HSPA12A: variants seen among roughly 807,000 people sequenced by gnomAD.
HSPA12A encodes heat shock protein family A (Hsp70) member 12A, also known as heat shock 70 kDa protein 12A.
A neutral mutation model predicts 69.2 loss-of-function variants in HSPA12A; 28 were observed. The ratio of observed to expected loss-of-function variants is 0.40; its 90% CI spans 0.30 to 0.55. The LOEUF (loss-of-function observed/expected upper bound fraction) is 0.55, where lower values mean the gene tolerates loss of function less well. Ranked by LOEUF, HSPA12A falls within the 20% of genes least tolerant of loss-of-function variation. The probability of loss-of-function intolerance (pLI) is 0.38; values close to 1 mark genes in which losing one functional copy is unlikely to be tolerated. For synonymous variants in HSPA12A, 345 were observed against 370.5 expected, an observed-to-expected ratio of 0.93 and a Z score of 0.79; for missense variants, 686 against 900.7, an observed-to-expected ratio of 0.76 and a Z score of 3.05.
chr10:116,736,316 G>A (rs1360290675), intron 1 of HSPA12A, among the ~76,000 whole-genome samples: 1 of 152,138 alleles, frequency 6.6e-6, no homozygotes, highest in Non-Finnish European at 1.5e-5. Flanking sequence ...CGAGGAACCT[G>A]ACCTAATGTA....
chr10:116,774,845 G>A (rs938691409), intron 2 of HSPA12A, among the ~76,000 whole-genome samples: 1 of 152,122 alleles, frequency 6.6e-6, no homozygotes, highest in South Asian at 2.1e-4. Flanking sequence ...CCTGGCCCCT[G>A]CAGGCCCCAG....
intron 1 of HSPA12A, among the ~76,000 whole-genome samples, chr10:116,839,259 C>A (rs1262868343): frequency 6.6e-6 from 1 of 152,196 alleles, no homozygotes; most frequent in Non-Finnish European, 1.5e-5. Context: ...TCTAAAGGAA[C>A]ATTTCAACCG....
chr10:116,846,895 C>G (rs1317762540), intron 1 of HSPA12A, among the ~76,000 whole-genome samples: 1 of 152,108 alleles, frequency 6.6e-6, no homozygotes, highest in African/African-American at 2.4e-5. Context: ...TTTTTTCCTT[C>G]TTCTCTAAAC....
chr10:116,795,705 T>A (rs1379996242), intron 2 of HSPA12A, among the ~76,000 whole-genome samples: 1 of 130,152 alleles, frequency 7.7e-6, no homozygotes, highest in African/African-American at 3.1e-5. Context: ...AAAAAAAAAA[T>A]TATAGTAAAT....
At chr10:116,697,301 T>C (rs1849936085) in intron 5 of HSPA12A, among the ~76,000 whole-genome samples, 1 of 152,188 alleles carries the variant, frequency 6.6e-6, no homozygotes, top group Non-Finnish European at 1.5e-5. Flanking sequence ...CTGGTCTCCA[T>C]GCCTGTGGGA....
chr10:116,672,609 C>T lies in HSPA12A; in HGVS notation c.*2172G>A, dbSNP rs1849117918. On this transcript the variant is annotated 3_prime_UTR_variant, in exon 12 of 12. Transcript: ENST00000369209. Reference sequence around the variant, plus strand: ...AAACCAAACTATGGAAAATTAAGGACAGTAACAAAAGTATCATCAACAAAA... The same window carrying T: ...AAACCAAACTATGGAAAATTAAGGATAGTAACAAAAGTATCATCAACAAAA... 1 of 152,528 alleles carries T rather than the reference C, an allele frequency of 6.6e-6. No individual in the cohort carries two copies. The highest frequency in any genetic ancestry group is 2.1e-4 in the South Asian group (1 of 4,830). The allele number at this position is 152,528 out of a possible 1,614,324, so 9.4% of individuals were successfully genotyped here. A position where few individuals can be genotyped will look rare whatever the true frequency, so the allele number is the denominator to read the frequency against.
Position 116,686,399 on chromosome 10 carries a change from C to T in HSPA12A, c.664-2437G>A, listed in dbSNP as rs150584133. Among the ~76,000 whole-genome samples, 158 of 152,220 alleles carry T rather than the reference C, an allele frequency of 1.0e-3. 1 individual carries two copies. Among genetic ancestry groups the T allele is most frequent in the Admixed American group, 3.9e-3 (60 of 15,296 alleles). Reference sequence around the variant, plus strand: ...GTCCAAGGGGGAAGCTTCCACAAAACGGGGTGAGGAAGAAGGGACAACTTG... The same window carrying T: ...GTCCAAGGGGGAAGCTTCCACAAAATGGGGTGAGGAAGAAGGGACAACTTG... On this transcript the variant is annotated intron_variant, in intron 6 of 11. Coordinates refer to ENST00000369209, the MANE Select transcript of HSPA12A (RefSeq NM_025015.3). The surrounding 1 kb of genome is among the most constrained non-coding windows in gnomAD (Gnocchi z 4.1).
chr10:116,773,788 G>T (rs890970456), intron 2 of HSPA12A, among the ~76,000 whole-genome samples: 3 of 152,196 alleles, frequency 2.0e-5, no homozygotes, highest in South Asian at 4.1e-4. Context: ...CAGCCCACAG[G>T]GAGCTCACAG....
intron 2 of HSPA12A, among the ~76,000 whole-genome samples, chr10:116,751,000 G>A (rs1421925503): frequency 6.7e-6 from 1 of 149,766 alleles, no homozygotes; most frequent in Non-Finnish European, 1.5e-5. Context: ...AGGAGGAAGA[G>A]GAAGAACATG....
rs1178760988 is a variant in HSPA12A, at chr10:116,773,610, T to C, written c.91+61325A>G. Reference sequence around the variant, plus strand: ...TAAGTAAGCAGTCTCCTCCTCCTTATTCCCTGGCCAACCTGCCCAGCTCAC... The same window carrying C: ...TAAGTAAGCAGTCTCCTCCTCCTTACTCCCTGGCCAACCTGCCCAGCTCAC... On this transcript the variant is annotated intron_variant, in intron 2 of 12. Coordinates refer to the HSPA12A transcript ENST00000635765. Among the ~76,000 whole-genome samples the C allele has an allele frequency of 9.9e-5, 15 of 152,174 alleles. No homozygotes were observed. In the East Asian group the frequency reaches 2.9e-3, roughly 29 times the overall value.
At chr10:116,823,762 C>T (rs1186043432) in intron 2 of HSPA12A, among the ~76,000 whole-genome samples, 1 of 152,004 alleles carries the variant, frequency 6.6e-6, no homozygotes, top group East Asian at 1.9e-4. Flanking sequence ...GCACAAAAAG[C>T]CGAAACGTTA....
intron 2 of HSPA12A, among the ~76,000 whole-genome samples, chr10:116,815,940 C>T (rs1341170564): frequency 1.3e-5 from 2 of 152,166 alleles, no homozygotes; most frequent in South Asian, 2.1e-4. Context: ...AGGAAGGAGC[C>T]GGGCTGTGGA....
chr10:116,695,543 G>A (rs551381569), intron 5 of HSPA12A, among the ~76,000 whole-genome samples: 4 of 152,096 alleles, frequency 2.6e-5, no homozygotes, highest in East Asian at 1.9e-4. Flanking sequence ...TTGGCCGGGC[G>A]CGGTGGCTCA....
chr10:116,735,342 C>G (rs1851281481), intron 1 of HSPA12A, among the ~76,000 whole-genome samples: 1 of 152,224 alleles, frequency 6.6e-6, no homozygotes, highest in South Asian at 2.1e-4. Context: ...GGCAATTTCT[C>G]CATCCCTCTA....
At position 116,683,562 on chromosome 10, in the gene HSPA12A, C is replaced by A. The variant is rs574380414; in HGVS notation, c.835+229G>T. 3.7e-5 allele frequency: 14 copies of A among 383,006 alleles called. No individual in the cohort carries two copies. The South Asian group carries it at 4.9e-4, about 13-fold the overall frequency. 23.7% of individuals were successfully genotyped at this position (383,006 alleles called of 1,614,324 possible). ...TTCTTAGAGAGAAGCTCCCCGCCCCCAGACACTTGGTGGGTGATGAACCAG... is the reference window on the plus strand; with the variant it reads ...TTCTTAGAGAGAAGCTCCCCGCCCCAAGACACTTGGTGGGTGATGAACCAG... On this transcript the variant is annotated intron_variant, in intron 7 of 11. Coordinates refer to ENST00000369209, the MANE Select transcript of HSPA12A (RefSeq NM_025015.3).
In HSPA12A at chr10:116,701,012, G is replaced by A. The variant is rs1850064319; in HGVS notation, c.372C>T (p.Asp124=). The part of the protein sequence containing the change: ...FGYAARDFYH[D]LDPNEAKQWL... ...ACTGCTTGGCCTCATTGGGATCCAG[G>A]TCATGGTAAAAGTCCCTGGCGGCAT... The change falls in exon 4 of 12, where the codon GAC becomes GAT. Residue 124 remains aspartate (D), a synonymous_variant. Coordinates refer to ENST00000369209, the MANE Select transcript of HSPA12A (RefSeq NM_025015.3). 1 of 1,613,996 alleles carries A rather than the reference G, an allele frequency of 6.2e-7. No individual in the cohort carries two copies. The highest frequency in any genetic ancestry group is 8.5e-7 in the Non-Finnish European group (1 of 1,180,020).
chr10:116,741,467 C>T (rs1030170993), intron 1 of HSPA12A, among the ~76,000 whole-genome samples: 3 of 152,212 alleles, frequency 2.0e-5, no homozygotes, highest in Non-Finnish European at 2.9e-5. Context: ...GCCTGGGCCG[C>T]GCTCCTCTCC....
Position 116,671,439 on chromosome 10 carries a change from C to T in HSPA12A, c.*3342G>A, listed in dbSNP as rs1849072749. ...GCCGTTTCCCAGCATACATATGCAG[C>T]TTAATCACAGCTATACATCTCTACA... On this transcript the variant is annotated 3_prime_UTR_variant, in exon 12 of 12. Transcript: ENST00000369209. The T allele has an allele frequency of 6.6e-6, 1 of 152,194 alleles. No homozygotes were observed. Among genetic ancestry groups the T allele is most frequent in the African/African-American group, 2.4e-5 (1 of 41,420 alleles). 9.4% of individuals were successfully genotyped at this position (152,194 alleles called of 1,614,324 possible). A position where few individuals can be genotyped will look rare whatever the true frequency, so the allele number is the denominator to read the frequency against.
chr10:116,720,040 T>C lies in HSPA12A; in HGVS notation c.41-12755A>G, dbSNP rs1554884217. ...TTCTTCCCAGGGTGATAAAAATGTT[T>C]GGGAATTTAATAGTGGTGACGGTTG... On this transcript the variant is annotated intron_variant, in intron 1 of 11. Coordinates refer to ENST00000369209, the MANE Select transcript of HSPA12A (RefSeq NM_025015.3). 2.6e-5 allele frequency among the ~76,000 whole-genome samples: 4 copies of C among 152,346 alleles called. No individual in the cohort carries two copies. In the South Asian group the frequency reaches 8.3e-4, roughly 32 times the overall value.
Sources: gnomAD v4.1 joint callset for allele counts (sites outside exome capture counted in the v4.1 genomes callset) on GRCh38, gnomAD v4.1.1 for gene constraint, Gnocchi (gnomAD v3.1) non-coding constraint, MANE v1.5 for transcripts, NCBI Gene and HGNC (gene_info 2026-07-23, HGNC 2026-07-21) for gene names.